Variants in GAS2 observed in about 807,000 individuals in gnomAD.
The protein encoded by GAS2 is growth arrest-specific protein 2.
A neutral mutation model predicts 37.5 loss-of-function variants in GAS2; 20 were observed. That is an observed-to-expected ratio of 0.53 (90% confidence interval 0.37 to 0.77). GAS2 has a LOEUF of 0.77. Among genes scored for constraint, GAS2 ranks in the 30% least tolerant of loss-of-function variants. The pLI is 0.00. For missense variants in GAS2, 336 were observed against 373.4 expected (o/e 0.90, Z 0.82); for synonymous variants, 144 against 132.2 (o/e 1.09, Z -0.61).
At chr11:22,675,803 G>T (rs866744695) in intron 2 of GAS2, among the ~76,000 whole-genome samples, 1 of 152,118 alleles carries the variant, frequency 6.6e-6, no homozygotes, top group Non-Finnish European at 1.5e-5. Flanking sequence ...TTGCAGGGGA[G>T]ATTTCATCAA....
intron 1 of GAS2, among the ~76,000 whole-genome samples, chr11:22,636,373 G>A (rs1461337714): frequency 1.3e-5 from 2 of 152,126 alleles, no homozygotes; most frequent in Non-Finnish European, 2.9e-5. Flanking sequence ...CCCTGGTAAG[G>A]ATTAAATGGG....
chr11:22,802,179 A>G (rs1267951294), intron 7 of GAS2, among the ~76,000 whole-genome samples: 4 of 152,158 alleles, frequency 2.6e-5, no homozygotes, highest in Middle Eastern at 3.4e-3. Context: ...ATAATTTCCA[A>G]CCATCATTCT....
At chr11:22,626,021 A>G in intron 1 of GAS2, 1 of 635,242 alleles carries the variant, frequency 1.6e-6, no homozygotes, top group Non-Finnish European at 2.8e-6. Flanking sequence ...GGTTCTTCTT[A>G]GTGGAGGGAG....
Position 22,726,297 on chromosome 11 carries a change from A to G in GAS2, c.273A>G (p.Leu91=), listed in dbSNP as rs1328503383. 1 of 1,596,718 alleles carries G rather than the reference A, an allele frequency of 6.3e-7. No individual in the cohort carries two copies. The highest frequency in any genetic ancestry group is 8.5e-7 in the Non-Finnish European group (1 of 1,175,864). ...SMDANKPTKN[L]PLKKIPCKTS... The stretch of plus-strand genomic sequence containing the variant: ...CGAATTTCTTTATTTTTCAGAATCT[A>G]CCGTTGAAGAAGATCCCATGCAAAA... Residue 91 remains leucine (L), a synonymous_variant, in exon 4 of 8, where the codon CTA becomes CTG. Coordinates refer to ENST00000454584, the MANE Select transcript of GAS2 (RefSeq NM_001143830.3).
chr11:22,742,422 C>G (rs992422268), intron 5 of GAS2, among the ~76,000 whole-genome samples: 10 of 152,058 alleles, frequency 6.6e-5, no homozygotes, highest in Admixed American at 5.9e-4. Context: ...GAAAAAAGAT[C>G]TATTTGATGA....
chr11:22,640,859 AAC>A (rs1053628406), intron 1 of GAS2, among the ~76,000 whole-genome samples: 15 of 152,174 alleles, frequency 9.9e-5, no homozygotes, highest in African/African-American at 3.6e-4. Context: ...CAGGCATTCT[AAC>A]ACTATTAGCT....
chr11:22,792,716 G>A (rs1262687050), intron 7 of GAS2, among the ~76,000 whole-genome samples: 3 of 152,158 alleles, frequency 2.0e-5, no homozygotes, highest in Non-Finnish European at 4.4e-5. Context: ...TGGAACAATA[G>A]GCTCATTTAT....
chr11:22,707,709 A>C (rs1200855879), intron 3 of GAS2, among the ~76,000 whole-genome samples: 1 of 152,218 alleles, frequency 6.6e-6, no homozygotes, highest in Non-Finnish European at 1.5e-5. Flanking sequence ...ATGCTGGAAA[A>C]ATGCAAGCAT....
At chr11:22,658,577 T>C (rs182752629) in intron 1 of GAS2, among the ~76,000 whole-genome samples, 1 of 152,308 alleles carries the variant, frequency 6.6e-6, no homozygotes, top group Non-Finnish European at 1.5e-5. Context: ...TCTAGGGGGT[T>C]TCCTTGTCTG....
At chr11:22,751,195 T>C (rs1853707296) in intron 6 of GAS2, among the ~76,000 whole-genome samples, 1 of 151,994 alleles carries the variant, frequency 6.6e-6, no homozygotes, top group Non-Finnish European at 1.5e-5. Flanking sequence ...CTGGCTATTT[T>C]GTCTGCTGCA....
At chr11:22,700,493 G>A (rs1216131392) in intron 3 of GAS2, among the ~76,000 whole-genome samples, 53 of 152,134 alleles carry the variant, frequency 3.5e-4, no homozygotes, top group Admixed American at 3.5e-3. Context: ...AAACAATAAG[G>A]ATCTGAGGAC....
At chr11:22,720,793 A>G (rs1851911670) in intron 3 of GAS2, among the ~76,000 whole-genome samples, 1 of 152,096 alleles carries the variant, frequency 6.6e-6, no homozygotes, top group African/African-American at 2.4e-5. Context: ...GTGAAGAATG[A>G]ATTATTTAAA....
intron 1 of GAS2, among the ~76,000 whole-genome samples, chr11:22,633,323 G>A (rs1858770475): frequency 6.6e-6 from 1 of 152,132 alleles, no homozygotes; most frequent in African/African-American, 2.4e-5. Flanking sequence ...CAGTGATGAA[G>A]AATCTGTGTG....
At chr11:22,650,919 T>G (rs1339054981) in intron 1 of GAS2, among the ~76,000 whole-genome samples, 1 of 151,368 alleles carries the variant, frequency 6.6e-6, no homozygotes, top group Admixed American at 6.6e-5. Flanking sequence ...TCCATTTACA[T>G]TTAAAGTTAA....
intron 3 of GAS2, among the ~76,000 whole-genome samples, chr11:22,699,878 G>A (rs182844576): frequency 6.6e-6 from 1 of 152,220 alleles, no homozygotes; most frequent in East Asian, 1.9e-4. Context: ...CTGATGGACA[G>A]CCAACTTTCT....
chr11:22,659,307 A>T (rs889001450), intron 1 of GAS2, among the ~76,000 whole-genome samples: 1 of 152,186 alleles, frequency 6.6e-6, no homozygotes, highest in African/African-American at 2.4e-5. Flanking sequence ...GTTTGACTCA[A>T]TTCCTAGTCA....
chr11:22,641,171 G>C (rs990370437), intron 1 of GAS2, among the ~76,000 whole-genome samples: 1 of 145,864 alleles, frequency 6.9e-6, no homozygotes, highest in Admixed American at 6.9e-5. Context: ...CCTGGTCTCT[G>C]CTAAGGTTCC....
intron 7 of GAS2, among the ~76,000 whole-genome samples, chr11:22,779,229 T>C (rs1254536832): frequency 6.6e-6 from 1 of 152,164 alleles, no homozygotes; most frequent in Non-Finnish European, 1.5e-5. Context: ...CGCCCTCATT[T>C]TGTGCCCATC....
At chr11:22,678,601 T>C (rs536274479) in intron 2 of GAS2, among the ~76,000 whole-genome samples, 1 of 152,194 alleles carries the variant, frequency 6.6e-6, no homozygotes, top group African/African-American at 2.4e-5. Context: ...TGTGCAAATT[T>C]GCTGCTTATT....
Sources: allele counts gnomAD v4.1 joint callset (sites outside exome capture counted in the v4.1 genomes callset), GRCh38; gene constraint gnomAD v4.1.1; transcripts MANE v1.5; gene names NCBI Gene and HGNC (gene_info 2026-07-23, HGNC 2026-07-21).